Variants in TRAP1 observed in about 807,000 individuals in gnomAD.
TRAP1 encodes heat shock protein 75 kDa, mitochondrial.
A neutral mutation model predicts 89.1 loss-of-function variants in TRAP1; 102 were observed. The ratio of observed to expected loss-of-function variants is 1.15; its 90% confidence interval spans 0.98 to 1.35. The LOEUF (loss-of-function observed/expected upper bound fraction) is 1.35, where lower values mean the gene tolerates loss of function less well. Among genes scored for constraint, TRAP1 ranks in the 40% most tolerant of loss-of-function variants. The probability of loss-of-function intolerance (pLI) is 0.00; values close to 1 mark genes in which losing one functional copy is unlikely to be tolerated. For missense variants in TRAP1, 1,256 were observed against 945.3 expected (o/e 1.33, Z -4.31); for synonymous variants, 508 against 388.0 (o/e 1.31, Z -3.64).
intron 1 of TRAP1, among the ~76,000 whole-genome samples, chr16:3,699,012 C>T (rs1215790463): frequency 6.6e-6 from 1 of 152,168 alleles, no homozygotes; most frequent in East Asian, 1.9e-4. Context: ...AAAGGAAAAA[C>T]CACAAACCTC....
At chr16:3,674,753 G>A (rs960451422) in intron 8 of TRAP1, 27 of 535,146 alleles carry the variant, frequency 5.0e-5, no homozygotes, top group Non-Finnish European at 5.1e-5. Context: ...GGGGGCCTGT[G>A]GGAGAGGATG....
At chr16:3,662,411 G>C in intron 15 of TRAP1, 2 of 566,026 alleles carry the variant, frequency 3.5e-6, no homozygotes, top group South Asian at 4.1e-5. Flanking sequence ...CTCCATGCCA[G>C]CCCACCCTGC....
At chr16:3,705,767 C>T (rs1391313533) in intron 1 of TRAP1, among the ~76,000 whole-genome samples, 1 of 152,004 alleles carries the variant, frequency 6.6e-6, no homozygotes, top group Non-Finnish European at 1.5e-5. Context: ...GCAACCTCTG[C>T]CTCCCGGGTT....
chr16:3,684,743 T>C (rs1376099811), intron 4 of TRAP1, among the ~76,000 whole-genome samples: 1 of 151,866 alleles, frequency 6.6e-6, no homozygotes, highest in Admixed American at 6.6e-5. Flanking sequence ...TGAGCTGAGA[T>C]CACACTACTG....
intron 3 of TRAP1, among the ~76,000 whole-genome samples, chr16:3,688,158 A>G (rs2051163122): frequency 6.6e-6 from 1 of 151,482 alleles, no homozygotes; most frequent in Non-Finnish European, 1.5e-5. Flanking sequence ...GTCACCCCAA[A>G]TGAGTTTTGC....
rs1018053181 is a variant in TRAP1, at chr16:3,663,287, C to G, written c.1708+137G>C. 38 of 1,166,160 alleles carry G rather than the reference C, an allele frequency of 3.3e-5. No individual in the cohort carries two copies. The Admixed American group carries it at 9.7e-4, about 30-fold the overall frequency. The allele number at this position is 1,166,160 out of a possible 1,614,324, so 72.2% of individuals were successfully genotyped here. ...GCACCTTCCTCCAGTCACCAGGGTG[C>G]TCCCACAAGGCTCTTCTCGGGGGTG... On this transcript the variant is annotated intron_variant, in intron 14 of 17. Coordinates refer to ENST00000246957, the MANE Select transcript of TRAP1 (RefSeq NM_016292.3).
At chr16:3,684,825 T>C (rs1235041011) in intron 4 of TRAP1, among the ~76,000 whole-genome samples, 1 of 152,046 alleles carries the variant, frequency 6.6e-6, no homozygotes, top group Non-Finnish European at 1.5e-5. Flanking sequence ...AAATGGACCA[T>C]GACGCTCCCA....
In TRAP1 at chr16:3,664,210, GAGA is replaced by G. The variant is rs1478906039; in HGVS notation, c.1569+61_1569+63del. The stretch of plus-strand genomic sequence containing the variant: ...GGGCAGGTTCACCCAGCACAGAGCT[GAGA>G]AGGTCAAGACCCTCCCCAGGTTGCA... On this transcript the variant is annotated intron_variant, in intron 13 of 17. Transcript: ENST00000246957. 16 of 1,454,174 alleles carry G rather than the reference GAGA, an allele frequency of 1.1e-5. No individual in the cohort carries two copies. In the Admixed American group the frequency reaches 2.2e-4, roughly 20 times the overall value. 90.1% of individuals were successfully genotyped at this position (1,454,174 alleles called of 1,614,324 possible). A position where few individuals can be genotyped will look rare whatever the true frequency, so the allele number is the denominator to read the frequency against.
chr16:3,661,998 C>G lies in TRAP1; in HGVS notation c.1929G>C (p.Glu643Asp). 6.2e-7 allele frequency: 1 copy of G among 1,607,688 alleles called. No homozygotes were observed. The part of the protein sequence containing the change: ...ERAQLLQPTL[E>D]INPRHALIKK... ...GAGCGTGGCCTCACCTGGGGTTGAT[C>G]TCCAGCGTGGGCTGCAGGAGCTGTG... The change falls in exon 16 of 18, where the codon GAG becomes GAC. Residue 643 changes from glutamate to aspartate, a missense_variant. Transcript: ENST00000246957.
rs774118235 is a variant in TRAP1, at chr16:3,690,929, G to A, written c.145C>T (p.Pro49Ser). 1.3e-6 allele frequency: 2 copies of A among 1,589,092 alleles called. No homozygotes were observed. Among genetic ancestry groups the A allele is most frequent in the East Asian group, 4.7e-5 (2 of 42,386 alleles). The change falls in exon 2 of 18, where the codon CCA becomes TCA. Residue 49 changes from proline to serine, a missense_variant. Physicochemically the swap from Pro to Ser is moderately conservative, Grantham distance 74. Coordinates refer to ENST00000246957, the MANE Select transcript of TRAP1 (RefSeq NM_016292.3). Reference protein sequence around the residue: ...TTAQLGPRRNPAWSLQAGRLF... With the variant: ...TTAQLGPRRNSAWSLQAGRLF... The stretch of plus-strand genomic sequence containing the variant: ...CGTCCTGCCTGCAAGCTCCAGGCTG[G>A]GTTTCGCCTGGGGCCCAACTGGGCT...
chr16:3,713,256 C>T (rs2051555302), intron 1 of TRAP1, among the ~76,000 whole-genome samples: 1 of 152,142 alleles, frequency 6.6e-6, no homozygotes. Flanking sequence ...AGGCTCCAAA[C>T]AAAGGGAGAG....
At chr16:3,688,168 C>T (rs956244695) in intron 3 of TRAP1, among the ~76,000 whole-genome samples, 1 of 151,364 alleles carries the variant, frequency 6.6e-6, no homozygotes, top group South Asian at 2.1e-4. Flanking sequence ...ATGAGTTTTG[C>T]GGGGTTTTTT....
At position 3,690,868 on chromosome 16, in the gene TRAP1, T is replaced by A. The variant is rs898002400; in HGVS notation, c.206A>T (p.Glu69Val). 2.5e-6 allele frequency: 4 copies of A among 1,576,854 alleles called. No individual in the cohort carries two copies. The highest frequency in any genetic ancestry group is 2.6e-6 in the Non-Finnish European group (3 of 1,161,454). ...GCTGCTGATAATCGAGTGCAGGGGT[T>A]CCTCCTTGTCCTCGGCGGTCTGCGT... ...FSTQTAEDKE[E>V]PLHSIISSTE... is the part of the protein sequence containing the mutation. Residue 69 changes from glutamate (E) to valine (V), a missense_variant, in exon 2 of 18, where the codon GAA (glutamate) becomes GTA (valine). Transcript: ENST00000246957.
chr16:3,712,465 A>T (rs1159052684), intron 1 of TRAP1, among the ~76,000 whole-genome samples: 1 of 151,928 alleles, frequency 6.6e-6, no homozygotes, highest in Admixed American at 6.6e-5. Flanking sequence ...TCAACCTGAC[A>T]CCCCCATCCC....
intron 1 of TRAP1, among the ~76,000 whole-genome samples, chr16:3,706,147 T>C (rs551041408): frequency 2.0e-5 from 3 of 152,088 alleles, no homozygotes; most frequent in African/African-American, 7.2e-5. Context: ...TAGAGACGGG[T>C]TTTGCCATGT....
chr16:3,711,461 C>A (rs183846983), intron 1 of TRAP1, among the ~76,000 whole-genome samples: 2 of 152,020 alleles, frequency 1.3e-5, no homozygotes, highest in African/African-American at 2.4e-5. Flanking sequence ...TAGCCGGGCA[C>A]GGTAGTGCAT....
In TRAP1 at chr16:3,689,126, T is replaced by C. The variant is rs1018078389; in HGVS notation, c.259A>G (p.Lys87Glu). The change falls in exon 3 of 18, where the codon AAA (lysine) becomes GAA (glutamate). Residue 87 changes from lysine (K) to glutamate (E), a missense_variant. Coordinates refer to ENST00000246957, the MANE Select transcript of TRAP1 (RefSeq NM_016292.3). ...STESVQGSTS[K>E]HEFQAETKKL... ...TTTGTCTCGGCCTGGAACTCATGTT[T>C]GGAAGTGGAACCTAGTAATGAAACA... 1.2e-6 allele frequency: 2 copies of C among 1,613,864 alleles called. No homozygotes were observed. The highest frequency in any genetic ancestry group is 2.2e-5 in the East Asian group (1 of 44,878).
Position 3,664,394 on chromosome 16 carries a change from G to A in TRAP1, c.1449C>T (p.Leu483=), listed in dbSNP as rs1326734984. The change falls in exon 13 of 18, where the codon CTC becomes CTT. Residue 483 remains leucine (L), a synonymous_variant. Coordinates refer to ENST00000246957, the MANE Select transcript of TRAP1 (RefSeq NM_016292.3). ...SALPSGQLTS[L]SEYASRMRAG... Reference sequence around the variant, plus strand: ...CCCGCATGCGGCTGGCGTATTCTGAGAGGCTGGTTAGCTGCCCGGAGGGCA... The same window carrying A: ...CCCGCATGCGGCTGGCGTATTCTGAAAGGCTGGTTAGCTGCCCGGAGGGCA... The A allele has an allele frequency of 6.2e-7, 1 of 1,612,514 alleles. No individual in the cohort carries two copies. The highest frequency in any genetic ancestry group is 8.5e-7 in the Non-Finnish European group (1 of 1,179,480).
intron 1 of TRAP1, among the ~76,000 whole-genome samples, chr16:3,692,884 C>T (rs2151271928): frequency 1.3e-5 from 2 of 152,110 alleles, no homozygotes; most frequent in East Asian, 3.9e-4. Context: ...CAGGCATGAG[C>T]CACCGTGCCC....
Sources: gnomAD v4.1 joint callset for allele counts (sites outside exome capture counted in the v4.1 genomes callset) on GRCh38, gnomAD v4.1.1 for gene constraint, MANE v1.5 for transcripts, NCBI Gene and HGNC (gene_info 2026-07-23, HGNC 2026-07-21) for gene names.